Variants in BBS9 observed in about 807,000 individuals in gnomAD.
The protein encoded by BBS9 is protein PTHB1.
Under a neutral mutation model 117.7 loss-of-function variants are expected in BBS9, and 89 were observed. That is an observed-to-expected ratio of 0.76 (90% CI 0.64 to 0.90). BBS9 has a LOEUF of 0.90. BBS9 is among the 40% of genes least tolerant of loss of function. The probability of loss-of-function intolerance (pLI) is 0.00; values close to 1 mark genes in which losing one functional copy is unlikely to be tolerated. For synonymous variants in BBS9, 379 were observed against 370.9 expected (o/e 1.02, Z -0.25); for missense variants, 982 against 1,042.2 (o/e 0.94, Z 0.80).
chr7:33,287,875 G>A (rs1186527204), intron 9 of BBS9, among the ~76,000 whole-genome samples: 1 of 152,110 alleles, frequency 6.6e-6, no homozygotes, highest in Non-Finnish European at 1.5e-5. Context: ...CAGGCAGTTA[G>A]GGTGGGTCCT....
intron 19 of BBS9, among the ~76,000 whole-genome samples, chr7:33,395,402 T>C (rs1356197911): frequency 6.6e-6 from 1 of 152,190 alleles, no homozygotes; most frequent in Non-Finnish European, 1.5e-5. Flanking sequence ...TTGAGTAAAT[T>C]GAAATGGAAG....
rs10716942 is a variant in BBS9 at position 33,478,875 on chromosome 7, G to GT, written c.2116-26569dup. ...GGAGAAGTAAATATGATGTTAGTGGGTTTTTTTTTTTTTTTTTTTAGCAAT... is the reference window on the plus strand; with the variant it reads ...GGAGAAGTAAATATGATGTTAGTGGGTTTTTTTTTTTTTTTTTTTTAGCAAT... On this transcript the variant is annotated intron_variant, in intron 19 of 22. Transcript: ENST00000242067. Among the ~76,000 whole-genome samples, 808 of 130,144 alleles carry GT rather than the reference G, an allele frequency of 6.2e-3. 3 individuals carry two copies. The highest frequency in any genetic ancestry group is 0.013 in the African/African-American group (475 of 35,518). The allele number at this position is 130,144 out of a possible 152,430, so 85.4% of individuals were successfully genotyped here.
At chr7:33,439,968 C>T (rs758841569) in intron 19 of BBS9, among the ~76,000 whole-genome samples, 5 of 152,204 alleles carry the variant, frequency 3.3e-5, no homozygotes, top group Non-Finnish European at 5.9e-5. Flanking sequence ...TTGGGTTTTG[C>T]GTGAGATGCT....
At chr7:33,520,111 C>T (rs375194091) in intron 20 of BBS9, among the ~76,000 whole-genome samples, 37 of 151,254 alleles carry the variant, frequency 2.4e-4, no homozygotes, top group African/African-American at 8.3e-4. Context: ...GGGGTTTAAG[C>T]GATTCTCCTG....
chr7:33,328,830 T>C (rs1045625013), intron 9 of BBS9, among the ~76,000 whole-genome samples: 1 of 152,122 alleles, frequency 6.6e-6, no homozygotes, highest in Non-Finnish European at 1.5e-5. Flanking sequence ...TTCAAATAAT[T>C]TCATGTTACA....
At chr7:33,153,635 CA>C (rs1178713670) in intron 3 of BBS9, among the ~76,000 whole-genome samples, 1 of 152,152 alleles carries the variant, frequency 6.6e-6, no homozygotes, top group Non-Finnish European at 1.5e-5. Context: ...TTATTGGCCC[CA>C]GGGGCCATTT....
At chr7:33,397,572 G>A (rs947483312) in intron 19 of BBS9, among the ~76,000 whole-genome samples, 2 of 152,138 alleles carry the variant, frequency 1.3e-5, no homozygotes, top group African/African-American at 4.8e-5. Flanking sequence ...CAACCCAAAT[G>A]CCCATCAATG....
intron 15 of BBS9, among the ~76,000 whole-genome samples, chr7:33,355,250 A>G (rs1377710198): frequency 6.6e-6 from 1 of 152,016 alleles, no homozygotes; most frequent in Non-Finnish European, 1.5e-5. Context: ...AGACATAATT[A>G]CAGCCTGAAG....
In BBS9 at chr7:33,635,222, C is replaced by T. The variant is rs1388807101; in HGVS notation, c.2567C>T (p.Pro856Leu). 3.4e-5 allele frequency among the ~76,000 whole-genome samples: 3 copies of T among 88,376 alleles called. No individual in the cohort carries two copies. The East Asian group carries it at 6.0e-4, about 18-fold the overall frequency. 58.0% of individuals were successfully genotyped at this position (88,376 alleles called of 152,430 possible). ...ATCGAGGCCTGGACCCTAAGAATAC[C>T]CCACTCCCTGAGCCAGCATCTCCAG... The change falls in exon 22 of 22, where the codon CCC (proline) becomes CTC (leucine). Residue 856 changes from proline to leucine, a missense_variant. Transcript: ENST00000671952.
At chr7:33,481,619 A>G (rs1401690748) in intron 19 of BBS9, among the ~76,000 whole-genome samples, 3 of 152,190 alleles carry the variant, frequency 2.0e-5, no homozygotes, top group Non-Finnish European at 4.4e-5. Context: ...GTAGTTTTAG[A>G]GAGAATTGTC....
At chr7:33,489,331 C>CTTTTTTTTTT (rs35199510) in intron 19 of BBS9, among the ~76,000 whole-genome samples, 2 of 86,256 alleles carry the variant, frequency 2.3e-5, no homozygotes, top group African/African-American at 4.5e-5. Context: ...CCACTTATGG[C>CTTTTTTTTTT]TTTTTTTTTT....
At chr7:33,420,550 GC>G (rs1186249475) in intron 19 of BBS9, among the ~76,000 whole-genome samples, 1 of 152,160 alleles carries the variant, frequency 6.6e-6, no homozygotes, top group Non-Finnish European at 1.5e-5. Flanking sequence ...TGCAGCAGGT[GC>G]TTTGGTTCTG....
chr7:33,411,811 G>A (rs898415446), intron 19 of BBS9, among the ~76,000 whole-genome samples: 29 of 152,230 alleles, frequency 1.9e-4, no homozygotes, highest in African/African-American at 3.6e-4. Context: ...TATTTATCAA[G>A]CAGCTACTCT....
At chr7:33,459,550 A>G (rs2128931152) in intron 19 of BBS9, among the ~76,000 whole-genome samples, 1 of 152,242 alleles carries the variant, frequency 6.6e-6, no homozygotes, top group African/African-American at 2.4e-5. Flanking sequence ...CGTCTCTACA[A>G]ATTCATAGCC....
At chr7:33,514,621 G>A (rs191119732) in intron 20 of BBS9, among the ~76,000 whole-genome samples, 180 of 152,202 alleles carry the variant, frequency 1.2e-3, no homozygotes, top group African/African-American at 1.1e-3. Flanking sequence ...AAAACACATC[G>A]AGTGAGAAAA....
chr7:33,634,813 G>A (rs1866064881), intron 21 of BBS9, among the ~76,000 whole-genome samples: 1 of 152,232 alleles, frequency 6.6e-6, no homozygotes, highest in African/African-American at 2.4e-5. Context: ...CCATCAGGCT[G>A]AAGGAGGATG....
At chr7:33,469,785 GT>G (rs60587413) in intron 19 of BBS9, among the ~76,000 whole-genome samples, 260 of 152,152 alleles carry the variant, frequency 1.7e-3, no homozygotes, top group African/African-American at 6.0e-3. Flanking sequence ...GCCCTTTTTG[GT>G]TCCAGAAAGC....
intron 5 of BBS9, among the ~76,000 whole-genome samples, chr7:33,191,593 C>G (rs1488442028): frequency 6.6e-6 from 1 of 152,156 alleles, no homozygotes; most frequent in African/African-American, 2.4e-5. Context: ...AAGGCAGGGC[C>G]TAAGCAGTTA....
At chr7:33,519,458 G>A (rs78672814) in intron 20 of BBS9, among the ~76,000 whole-genome samples, 3,303 of 152,198 alleles carry the variant, frequency 0.022, 51 homozygotes, top group East Asian at 0.055. Context: ...TTATGTTTTC[G>A]AGAGCCATGG....
Sources: gnomAD v4.1 joint callset for allele counts (sites outside exome capture counted in the v4.1 genomes callset) on GRCh38, gnomAD v4.1.1 for gene constraint, MANE v1.5 for transcripts, NCBI Gene and HGNC (gene_info 2026-07-23, HGNC 2026-07-21) for gene names.